Variants in DPY19L4 observed in about 807,000 individuals in gnomAD.
DPY19L4 encodes probable C-mannosyltransferase DPY19L4.
A neutral mutation model predicts 102.8 loss-of-function variants in DPY19L4; 97 were observed. That is an observed-to-expected ratio of 0.94 (90% CI 0.80 to 1.12). The LOEUF (loss-of-function observed/expected upper bound fraction) is 1.12, where lower values mean the gene tolerates loss of function less well. Among genes scored for constraint, DPY19L4 ranks in the 50% most tolerant of loss-of-function variants. The pLI, the probability that DPY19L4 is intolerant of heterozygous loss-of-function variation, is 0.00. For missense variants in DPY19L4, 815 were observed against 850.4 expected (o/e 0.96, Z 0.52); for synonymous variants, 252 against 283.1 (o/e 0.89, Z 1.10).
At chr8:94,777,992 A>T (rs1813263302) in intron 14 of DPY19L4, among the ~76,000 whole-genome samples, 1 of 152,186 alleles carries the variant, frequency 6.6e-6, no homozygotes, top group African/African-American at 2.4e-5. Flanking sequence ...GCACTTTGGG[A>T]GGCTGAAGTG....
intron 1 of DPY19L4, among the ~76,000 whole-genome samples, chr8:94,721,472 C>T (rs1021772292): frequency 2.6e-5 from 4 of 152,130 alleles, no homozygotes; most frequent in Non-Finnish European, 5.9e-5. Context: ...AGCTATTTGT[C>T]GTTGGTGAGA....
chr8:94,734,081 A>C, intron 2 of DPY19L4, among the ~76,000 whole-genome samples: 1 of 135,174 alleles, frequency 7.4e-6, no homozygotes, highest in African/African-American at 2.8e-5. Flanking sequence ...TTTTTTTGAG[A>C]CGGAATCTTG....
At chr8:94,722,964 A>G (rs1810533374) in intron 1 of DPY19L4, among the ~76,000 whole-genome samples, 1 of 152,242 alleles carries the variant, frequency 6.6e-6, no homozygotes. Context: ...GTTAGAGCAA[A>G]GAAAGAAGTG....
intron 2 of DPY19L4, among the ~76,000 whole-genome samples, chr8:94,734,379 T>C (rs1406211158): frequency 6.6e-6 from 1 of 152,154 alleles, no homozygotes; most frequent in African/African-American, 2.4e-5. Context: ...CACATGACAT[T>C]TGGTTATTAT....
chr8:94,781,553 G>T (rs1813432201), intron 16 of DPY19L4, among the ~76,000 whole-genome samples: 1 of 152,174 alleles, frequency 6.6e-6, no homozygotes, highest in Non-Finnish European at 1.5e-5. Flanking sequence ...CACAGGACAG[G>T]AGATGTGGTC....
At position 94,739,705 on chromosome 8, in the gene DPY19L4, G is replaced by T; in HGVS notation, c.526G>T (p.Val176Phe). The stretch of plus-strand genomic sequence containing the variant: ...TGTTTTTGGATTGCAAGGAATATAT[G>T]TTACTGCTTTATTTGTTACAAGTTG... ...GIVFGLQGIY[V>F]TALFVTSWLM... Residue 176 changes from valine (V) to phenylalanine (F), a missense_variant, in exon 6 of 19, where the codon GTT becomes TTT. By Grantham distance (50) the Val-to-Phe change is conservative. Coordinates refer to ENST00000414645, the MANE Select transcript of DPY19L4 (RefSeq NM_181787.3). 3 of 1,613,994 alleles carry T rather than the reference G, an allele frequency of 1.9e-6. No homozygotes were observed. The highest frequency in any genetic ancestry group is 2.5e-6 in the Non-Finnish European group (3 of 1,180,024).
intron 1 of DPY19L4, among the ~76,000 whole-genome samples, 196 bp from the exon 2 acceptor site, chr8:94,726,135 A>G (rs7816188): frequency 0.71 from 107,686 of 152,056 alleles, 39,693 homozygotes; most frequent in African/African-American, 0.93. Flanking sequence ...ACAGATTGGG[A>G]AGTGGAACTT....
intron 6 of DPY19L4, among the ~76,000 whole-genome samples, chr8:94,749,624 G>C (rs558155273): frequency 1.3e-5 from 2 of 152,284 alleles, no homozygotes; most frequent in South Asian, 2.1e-4. Flanking sequence ...TTAGTGATAA[G>C]AGGTCAGAGG....
intron 2 of DPY19L4, 99 bp from the exon 3 acceptor site, chr8:94,734,531 G>A: frequency 7.8e-7 from 1 of 1,273,970 alleles, no homozygotes; most frequent in Non-Finnish European, 1.1e-6. Flanking sequence ...CGAGTTGTGG[G>A]TTTTGGGGAC....
chr8:94,761,512 C>T (rs1047139193), intron 7 of DPY19L4, among the ~76,000 whole-genome samples, 188 bp from the exon 8 acceptor site: 1 of 152,058 alleles, frequency 6.6e-6, no homozygotes, highest in South Asian at 2.1e-4. Flanking sequence ...CTCTCAAGTG[C>T]CTTATTTGAG....
chr8:94,729,474 C>T (rs1278036975), intron 2 of DPY19L4, among the ~76,000 whole-genome samples: 1 of 151,110 alleles, frequency 6.6e-6, no homozygotes, highest in Non-Finnish European at 1.5e-5. Context: ...TGGTGTGCCC[C>T]TGTAGTCCCA....
rs764110850 is a variant in DPY19L4, at chr8:94,761,835, GTAT to G, written c.870+5_870+7del. 2.5e-6 allele frequency: 4 copies of G among 1,591,418 alleles called. No individual in the cohort carries two copies. The South Asian group carries it at 4.7e-5, about 19-fold the overall frequency. Reference sequence around the variant, plus strand: ...CTTTTCAGTGGAGCAAAGTGACAAGGTATTATGGCATTTTGAAATGGTGATTTT... The same window carrying G: ...CTTTTCAGTGGAGCAAAGTGACAAGGTATGGCATTTTGAAATGGTGATTTT... On this transcript the variant is annotated splice_donor_variant and splice_donor_region_variant and intron_variant, in intron 8 of 18. Transcript: ENST00000414645. LOFTEE classifies it high-confidence loss of function.
At chr8:94,748,947 A>G (rs1811798663) in intron 6 of DPY19L4, among the ~76,000 whole-genome samples, 2 of 152,216 alleles carry the variant, frequency 1.3e-5, no homozygotes, top group Admixed American at 6.5e-5. Flanking sequence ...TTTACAAAAG[A>G]AAAAGGTTTA....
chr8:94,746,316 C>T (rs1377188820), intron 6 of DPY19L4, among the ~76,000 whole-genome samples: 1 of 151,946 alleles, frequency 6.6e-6, no homozygotes, highest in Non-Finnish European at 1.5e-5. Context: ...CTGCCTTGGC[C>T]TCCCAAAGTG....
At chr8:94,783,146 G>A (rs1004985459) in intron 16 of DPY19L4, among the ~76,000 whole-genome samples, 1 of 152,202 alleles carries the variant, frequency 6.6e-6, no homozygotes, top group Non-Finnish European at 1.5e-5. Context: ...TTTGCAAGTA[G>A]CATCTGTCTG....
intron 17 of DPY19L4, among the ~76,000 whole-genome samples, chr8:94,785,135 G>T (rs1241626804): frequency 2.0e-5 from 3 of 152,116 alleles, no homozygotes; most frequent in African/African-American, 7.2e-5. Context: ...TATTAGCTTC[G>T]TGACCTTAAG....
At chr8:94,732,811 C>CTTTTT (rs10624368) in intron 2 of DPY19L4, among the ~76,000 whole-genome samples, 32 of 128,042 alleles carry the variant, frequency 2.5e-4, no homozygotes, top group African/African-American at 4.3e-4. Flanking sequence ...CTTTTTCTTT[C>CTTTTT]TTTTTTTTTT....
Position 94,756,133 on chromosome 8 carries a change from A to C in DPY19L4, c.709A>C (p.Lys237Gln). Residue 237 changes from lysine to glutamine, a missense_variant, in exon 7 of 19, where the codon AAA (lysine) becomes CAA (glutamine). Transcript: ENST00000414645. ...CQIAALTGYLKSNLNTYGERF... is the reference protein window; with the variant it reads ...CQIAALTGYLQSNLNTYGERF... ...AATTGCTGCACTTACAGGCTATTTA[A>C]AAAGCAACTTAAATACTTATGGAGA... is the stretch of plus-strand genomic sequence containing the variant. 6.2e-7 allele frequency: 1 copy of C among 1,613,826 alleles called. No homozygotes were observed. The highest frequency in any genetic ancestry group is 8.5e-7 in the Non-Finnish European group (1 of 1,179,896).
chr8:94,785,167 T>G (rs1221484827), intron 17 of DPY19L4, among the ~76,000 whole-genome samples: 1 of 152,196 alleles, frequency 6.6e-6, no homozygotes, highest in African/African-American at 2.4e-5. Flanking sequence ...ATCTCGAGAT[T>G]AAGTGAGAAT....
Sources: gnomAD v4.1 joint callset for allele counts (sites outside exome capture counted in the v4.1 genomes callset) on GRCh38, gnomAD v4.1.1 for gene constraint, MANE v1.5 for transcripts, NCBI Gene and HGNC (gene_info 2026-07-23, HGNC 2026-07-21) for gene names.